The following PRKD1 variants were observed in gnomAD, a reference collection of about 807,000 sequenced individuals.
PRKD1 encodes the protein serine/threonine-protein kinase D1.
PRKD1 carries 63 observed loss-of-function variants against 95.9 expected under a neutral mutation model. That is an observed-to-expected ratio of 0.66 (90% confidence interval 0.54 to 0.81). The LOEUF is 0.81. Among genes scored for constraint, PRKD1 ranks in the 30% least tolerant of loss-of-function variants. PRKD1 has a pLI of 0.00. For synonymous variants in PRKD1, 425 were observed against 423.1 expected (o/e 1.00, Z -0.05); for missense variants, 1,048 against 1,165.3 (o/e 0.90, Z 1.47).
rs540293951 is a variant in PRKD1 at position 29,585,745 on chromosome 14, G to A, written c.2435-7385C>T. 4.6e-5 allele frequency among the ~76,000 whole-genome samples: 7 copies of A among 152,278 alleles called. No homozygotes were observed. In the South Asian group the frequency reaches 1.2e-3, roughly 27 times the overall value. On this transcript the variant is annotated intron_variant, in intron 16 of 17. Transcript: ENST00000331968. Reference sequence around the variant, plus strand: ...TTAGAAAATCAGAATGATGCTGAGAGTAACTGCCATGCAGATTATGTTTAT... The same window carrying A: ...TTAGAAAATCAGAATGATGCTGAGAATAACTGCCATGCAGATTATGTTTAT...
rs141250898 is a variant in PRKD1 at position 29,720,959 on chromosome 14, G to A, written c.403+4577C>T. Among the ~76,000 whole-genome samples the A allele has an allele frequency of 6.7e-4, 102 of 152,224 alleles. 1 individual carries two copies. The highest frequency in any genetic ancestry group is 2.3e-3 in the African/African-American group (96 of 41,540). ...TGAACAATGTTTGAGGGCAAGACTT[G>A]GGGTGGGATAAAGGAAATGTCATCG... On this transcript the variant is annotated intron_variant, in intron 2 of 17. Coordinates refer to ENST00000331968, the MANE Select transcript of PRKD1 (RefSeq NM_002742.3).
rs561064697 is a variant in PRKD1 at position 29,738,457 on chromosome 14, A to C, written c.265-12783T>G. Among the ~76,000 whole-genome samples, 17 of 152,312 alleles carry C rather than the reference A, an allele frequency of 1.1e-4. No individual in the cohort carries two copies. In the East Asian group the frequency reaches 3.3e-3, roughly 29 times the overall value. ...AAGATAGGGCTTTGCTATCTCTCCT[A>C]GTGTCAACTTACACTTTAGATTCTT... On this transcript the variant is annotated intron_variant, in intron 1 of 17. Coordinates refer to ENST00000331968, the MANE Select transcript of PRKD1 (RefSeq NM_002742.3).
chr14:29,671,730 T>C (rs1281396676), intron 2 of PRKD1, among the ~76,000 whole-genome samples: 2 of 152,172 alleles, frequency 1.3e-5, no homozygotes, highest in East Asian at 3.9e-4. Flanking sequence ...AAAGCTTATT[T>C]TTAACTTTAA....
At chr14:29,643,712 G>C (rs773227735) in intron 4 of PRKD1, among the ~76,000 whole-genome samples, 1 of 152,158 alleles carries the variant, frequency 6.6e-6, no homozygotes, top group Non-Finnish European at 1.5e-5. Flanking sequence ...CTCTTCATTA[G>C]TTAAGCTAGA....
intron 1 of PRKD1, among the ~76,000 whole-genome samples, chr14:29,806,156 T>C (rs1342857544): frequency 1.3e-5 from 2 of 152,160 alleles, no homozygotes; most frequent in Non-Finnish European, 2.9e-5. Flanking sequence ...CCAAATGTAC[T>C]GAAAAGATCT....
chr14:29,712,943 AC>A (rs1351397091), intron 2 of PRKD1, among the ~76,000 whole-genome samples: 2 of 152,146 alleles, frequency 1.3e-5, no homozygotes, highest in Non-Finnish European at 2.9e-5. Context: ...TTTACCTCCA[AC>A]AAAAATAATT....
chr14:29,641,934 G>A (rs989049376), intron 4 of PRKD1, among the ~76,000 whole-genome samples: 14 of 112,158 alleles, frequency 1.2e-4, no homozygotes, highest in East Asian at 2.4e-4. Flanking sequence ...ATGGAGTTTC[G>A]CTCTTGTTGC....
rs550018355 is a variant in PRKD1 at position 29,817,546 on chromosome 14, G to A, written c.265-91872C>T. The stretch of plus-strand genomic sequence containing the variant: ...TGCTATATTATAGACACAGTTTTAA[G>A]TATCTTTAAGTATTGACTCAATAAA... On this transcript the variant is annotated intron_variant, in intron 1 of 17. Transcript: ENST00000331968. Among the ~76,000 whole-genome samples, 154 of 152,256 alleles carry A rather than the reference G, an allele frequency of 1.0e-3. 1 individual carries two copies. Among genetic ancestry groups the A allele is most frequent in the African/African-American group, 3.3e-3 (139 of 41,546 alleles).
chr14:29,751,557 AAGAC>A (rs1454454697), intron 1 of PRKD1, among the ~76,000 whole-genome samples: 5 of 152,254 alleles, frequency 3.3e-5, no homozygotes, highest in Admixed American at 3.3e-4. Flanking sequence ...GGCACTGAAG[AAGAC>A]ACTCTAGAAC....
intron 1 of PRKD1, among the ~76,000 whole-genome samples, chr14:29,806,078 C>T (rs556037730): frequency 2.0e-5 from 3 of 152,060 alleles, no homozygotes; most frequent in Non-Finnish European, 4.4e-5. Context: ...AATAAATGCC[C>T]AGGAGAGGAA....
intron 16 of PRKD1, 74 bp from the exon 17 acceptor site, chr14:29,578,434 A>G (rs1892639611): frequency 2.6e-6 from 3 of 1,144,432 alleles, no homozygotes; most frequent in Non-Finnish European, 3.7e-6. Context: ...TTTATTTCAC[A>G]TCTGCTATTT....
At chr14:29,908,358 A>T (rs957928119) in intron 1 of PRKD1, among the ~76,000 whole-genome samples, 10 of 152,192 alleles carry the variant, frequency 6.6e-5, no homozygotes, top group Non-Finnish European at 1.2e-4. Flanking sequence ...GTGCAATGGC[A>T]TGATAGCTCA....
At chr14:29,750,601 G>C (rs539139065) in intron 1 of PRKD1, among the ~76,000 whole-genome samples, 1 of 137,724 alleles carries the variant, frequency 7.3e-6, no homozygotes, top group Non-Finnish European at 1.6e-5. Context: ...CCTATCCCAG[G>C]ATGCATGAAC....
Position 29,766,165 on chromosome 14 carries a change from G to A in PRKD1, c.265-40491C>T, listed in dbSNP as rs565739239. 1.1e-4 allele frequency among the ~76,000 whole-genome samples: 17 copies of A among 152,282 alleles called. No individual in the cohort carries two copies. The South Asian group carries it at 3.5e-3, about 32-fold the overall frequency. On this transcript the variant is annotated intron_variant, in intron 1 of 17. Coordinates refer to ENST00000331968, the MANE Select transcript of PRKD1 (RefSeq NM_002742.3). ...TGAGCTGCACTGAGTTAAATTCCAA[G>A]TTTCATGAGACTAGTGAGCCTTGAG...
chr14:29,815,208 T>C (rs1027121837), intron 1 of PRKD1, among the ~76,000 whole-genome samples: 1 of 152,246 alleles, frequency 6.6e-6, no homozygotes, highest in Admixed American at 6.5e-5. Flanking sequence ...GAATTAATCT[T>C]GTCATGGCAA....
At chr14:29,832,789 G>T (rs1051140437) in intron 1 of PRKD1, among the ~76,000 whole-genome samples, 1 of 151,952 alleles carries the variant, frequency 6.6e-6, no homozygotes, top group African/African-American at 2.4e-5. Context: ...TAAAAATATT[G>T]AAATATTTAC....
At chr14:29,775,221 G>A (rs1398131902) in intron 1 of PRKD1, among the ~76,000 whole-genome samples, 3 of 152,336 alleles carry the variant, frequency 2.0e-5, no homozygotes, top group South Asian at 2.1e-4. Context: ...CAGTGTGAGC[G>A]ACGCAGAAGG....
chr14:29,763,351 G>GAAGGAAGGAAGGAACGAAGC (rs1395616511), intron 1 of PRKD1, among the ~76,000 whole-genome samples: 3 of 101,120 alleles, frequency 3.0e-5, no homozygotes, highest in Non-Finnish European at 7.1e-5. Context: ...ACGAAGCAAG[G>GAAGGAAGGAAGGAACGAAGC]AAGGAAGGAA....
At chr14:29,776,146 C>T (rs180701089) in intron 1 of PRKD1, among the ~76,000 whole-genome samples, 104 of 152,236 alleles carry the variant, frequency 6.8e-4, no homozygotes, top group Non-Finnish European at 1.3e-3. Flanking sequence ...CCCATCAGTA[C>T]GTCATCATAA....
Sources: allele counts gnomAD v4.1 joint callset (sites outside exome capture counted in the v4.1 genomes callset), GRCh38; gene constraint gnomAD v4.1.1; transcripts MANE v1.5; gene names NCBI Gene and HGNC (gene_info 2026-07-23, HGNC 2026-07-21).